Variants in BMP5 observed in about 807,000 individuals in gnomAD.
The protein encoded by BMP5 is bone morphogenetic protein 5.
BMP5 carries 23 observed loss-of-function variants against 46.6 expected under a neutral mutation model. The observed-to-expected ratio is 0.49, with a 90% CI of 0.35 to 0.70. BMP5 has a LOEUF of 0.70. Among genes scored for constraint, BMP5 ranks in the 30% least tolerant of loss-of-function variants. The probability of loss-of-function intolerance (pLI) is 0.00; values close to 1 mark genes in which losing one functional copy is unlikely to be tolerated. For missense variants in BMP5, 545 were observed against 565.6 expected (o/e 0.96, Z 0.37); for synonymous variants, 204 against 191.9 (o/e 1.06, Z -0.52).
chr6:55,776,885 A>G (rs16887138), intron 3 of BMP5, among the ~76,000 whole-genome samples: 9,154 of 151,964 alleles, frequency 0.06, 904 homozygotes, highest in African/African-American at 0.21. Flanking sequence ...AATAATACGG[A>G]TCTGAAGATT....
At chr6:55,838,626 T>C (rs868182532) in intron 1 of BMP5, among the ~76,000 whole-genome samples, 2 of 152,290 alleles carry the variant, frequency 1.3e-5, no homozygotes, top group South Asian at 4.1e-4. Flanking sequence ...TTTCCCTTGC[T>C]GTGCAGAAGG....
At chr6:55,830,740 A>T (rs1776644772) in intron 1 of BMP5, among the ~76,000 whole-genome samples, 1 of 152,126 alleles carries the variant, frequency 6.6e-6, no homozygotes, top group Non-Finnish European at 1.5e-5. Context: ...CTAAATTTAC[A>T]ATAGAAAAGG....
chr6:55,816,069 A>C (rs1776256238), intron 2 of BMP5, among the ~76,000 whole-genome samples: 1 of 152,140 alleles, frequency 6.6e-6, no homozygotes, highest in Admixed American at 6.5e-5. Context: ...TAGAGGATAG[A>C]AAACTGGTAT....
intron 1 of BMP5, among the ~76,000 whole-genome samples, chr6:55,824,627 G>C (rs1026908863): frequency 1.3e-5 from 2 of 151,892 alleles, no homozygotes; most frequent in Non-Finnish European, 2.9e-5. Flanking sequence ...CTGAGATCAG[G>C]GGTTAATGCT....
At chr6:55,803,329 G>A (rs981576629) in intron 2 of BMP5, among the ~76,000 whole-genome samples, 4 of 151,964 alleles carry the variant, frequency 2.6e-5, no homozygotes, top group African/African-American at 4.8e-5. Flanking sequence ...AAAAAAACAG[G>A]AAGAAGTTAT....
At chr6:55,789,355 T>G (rs1479828680) in intron 3 of BMP5, among the ~76,000 whole-genome samples, 1 of 151,908 alleles carries the variant, frequency 6.6e-6, no homozygotes, top group East Asian at 1.9e-4. Context: ...AATTATTCTA[T>G]AAACCCAAGT....
intron 2 of BMP5, among the ~76,000 whole-genome samples, chr6:55,799,925 C>G (rs1775803365): frequency 6.6e-6 from 1 of 152,232 alleles, no homozygotes; most frequent in Admixed American, 6.5e-5. Context: ...GAAACATCAC[C>G]TTTTTAAAAA....
Position 55,762,828 on chromosome 6 carries a change from G to T in BMP5, c.1028-2295C>A, listed in dbSNP as rs191822952. Among the ~76,000 whole-genome samples the T allele has an allele frequency of 5.5e-3, 834 of 152,160 alleles. 4 individuals carry two copies. The highest frequency in any genetic ancestry group is 0.034 in the Middle Eastern group (10 of 294). On this transcript the variant is annotated intron_variant, in intron 4 of 6. Coordinates refer to ENST00000370830, the MANE Select transcript of BMP5 (RefSeq NM_021073.4). ...CTTTAAACTTTTTTTTAAAGAAACTGATAGTAAATATGTTGGGCTAAGTGG... is the reference window on the plus strand; with the variant it reads ...CTTTAAACTTTTTTTTAAAGAAACTTATAGTAAATATGTTGGGCTAAGTGG...
intron 1 of BMP5, among the ~76,000 whole-genome samples, chr6:55,829,173 C>T (rs1221889653): frequency 6.6e-6 from 1 of 151,746 alleles, no homozygotes; most frequent in Admixed American, 6.6e-5. Flanking sequence ...ACGTTTGTTT[C>T]CTAAGGAGTG....
In BMP5 at chr6:55,819,738, T is replaced by C. The variant is rs746678387; in HGVS notation, c.600A>G (p.Ile200Met). ...GEAVTAAEFR[I>M]YKDRSNNRFE... The stretch of plus-strand genomic sequence containing the variant: ...ATCGGTTGTTGCTCCGGTCCTTGTA[T>C]ATCCGGAATTCAGCTGCTGTCACTG... The change falls in exon 2 of 7, where the codon ATA (isoleucine) becomes ATG (methionine). Residue 200 changes from isoleucine (I) to methionine (M), a missense_variant. Ile to Met is a conservative substitution (Grantham distance 10). Transcript: ENST00000370830. The C allele has an allele frequency of 6.2e-7, 1 of 1,613,734 alleles. No homozygotes were observed. Among genetic ancestry groups the C allele is most frequent in the Admixed American group, 1.7e-5 (1 of 59,934 alleles).
intron 6 of BMP5, 109 bp from the exon 7 acceptor site, chr6:55,755,791 C>A: frequency 9.4e-7 from 1 of 1,059,322 alleles, no homozygotes; most frequent in Non-Finnish European, 1.4e-6. Flanking sequence ...CACCATTAAG[C>A]TGATCTCCCT....
At chr6:55,821,948 G>C (rs1562055224) in intron 1 of BMP5, among the ~76,000 whole-genome samples, 1 of 152,166 alleles carries the variant, frequency 6.6e-6, no homozygotes, top group Non-Finnish European at 1.5e-5. Flanking sequence ...TTTAAATGAA[G>C]TAGATGACAT....
chr6:55,791,210 T>C (rs1775566324), intron 3 of BMP5, among the ~76,000 whole-genome samples: 2 of 152,172 alleles, frequency 1.3e-5, no homozygotes, highest in Admixed American at 1.3e-4. Flanking sequence ...AAGCATCTGG[T>C]TATTCATATT....
chr6:55,829,792 C>T (rs140514145), intron 1 of BMP5, among the ~76,000 whole-genome samples: 1 of 151,990 alleles, frequency 6.6e-6, no homozygotes, highest in African/African-American at 2.4e-5. Context: ...CATTGTGAAA[C>T]ACCATATGTG....
chr6:55,761,805 T>C (rs1037475408), intron 4 of BMP5, among the ~76,000 whole-genome samples: 17 of 152,132 alleles, frequency 1.1e-4, no homozygotes, highest in African/African-American at 4.1e-4. Flanking sequence ...ATGTGTGGCT[T>C]CTTGTCTGTT....
At chr6:55,816,863 A>C (rs1156636549) in intron 2 of BMP5, among the ~76,000 whole-genome samples, 4 of 152,088 alleles carry the variant, frequency 2.6e-5, no homozygotes, top group Non-Finnish European at 5.9e-5. Flanking sequence ...GTAAGACTTT[A>C]ATATCCAGAA....
At chr6:55,843,847 CA>C (rs943355368) in intron 1 of BMP5, among the ~76,000 whole-genome samples, 1 of 151,604 alleles carries the variant, frequency 6.6e-6, no homozygotes, top group Non-Finnish European at 1.5e-5. Context: ...CTGCCTTGAA[CA>C]AAAAAAGATG....
intron 1 of BMP5, among the ~76,000 whole-genome samples, chr6:55,864,395 G>A (rs1186292561): frequency 2.0e-5 from 3 of 152,148 alleles, no homozygotes; most frequent in South Asian, 2.1e-4. Context: ...GTTATTGGTC[G>A]CCTGGGAATG....
At chr6:55,778,996 C>T (rs1198032413) in intron 3 of BMP5, among the ~76,000 whole-genome samples, 3 of 152,074 alleles carry the variant, frequency 2.0e-5, no homozygotes, top group African/African-American at 4.8e-5. Context: ...AACCAAAGCT[C>T]TATCCCAGAC....
Sources: gnomAD v4.1 joint callset for allele counts (sites outside exome capture counted in the v4.1 genomes callset) on GRCh38, gnomAD v4.1.1 for gene constraint, MANE v1.5 for transcripts, NCBI Gene and HGNC (gene_info 2026-07-23, HGNC 2026-07-21) for gene names.